Variants in CDH10 observed in about 807,000 individuals in gnomAD.
CDH10 encodes the protein cadherin 10, also known as cadherin-10.
CDH10 carries 30 observed loss-of-function variants against 73.1 expected under a neutral mutation model. The ratio of observed to expected loss-of-function variants is 0.41; its 90% CI spans 0.31 to 0.56. The LOEUF (loss-of-function observed/expected upper bound fraction) is 0.56. Among genes scored for constraint, CDH10 ranks in the 20% least tolerant of loss-of-function variants. The pLI is 0.27. For missense variants in CDH10, 815 were observed against 973.7 expected (o/e 0.84, Z 2.17); for synonymous variants, 345 against 348.2 (o/e 0.99, Z 0.10).
intron 2 of CDH10, among the ~76,000 whole-genome samples, chr5:24,575,375 GA>G (rs113497891): frequency 1.4e-5 from 2 of 139,692 alleles, no homozygotes; most frequent in East Asian, 2.1e-4. Flanking sequence ...AAAAAAAAAG[GA>G]AAAAAAAGAA....
chr5:24,592,076 T>A (rs1052893948), intron 2 of CDH10, among the ~76,000 whole-genome samples: 1 of 151,854 alleles, frequency 6.6e-6, no homozygotes, highest in East Asian at 1.9e-4. Context: ...ATTCCTTTGG[T>A]TGCTGTTTCT....
chr5:24,560,718 T>G (rs1405390307), intron 2 of CDH10, among the ~76,000 whole-genome samples: 2 of 152,134 alleles, frequency 1.3e-5, no homozygotes, highest in African/African-American at 4.8e-5. Context: ...ACTCCAGGGT[T>G]CTTTTCTCTA....
chr5:24,636,074 G>C (rs775994966), intron 1 of CDH10, among the ~76,000 whole-genome samples: 2 of 151,816 alleles, frequency 1.3e-5, no homozygotes, highest in Non-Finnish European at 2.9e-5. Flanking sequence ...TTAAGCATAG[G>C]TCACATGAAT....
At chr5:24,534,620 G>A (rs1743873712) in intron 5 of CDH10, among the ~76,000 whole-genome samples, 1 of 152,034 alleles carries the variant, frequency 6.6e-6, no homozygotes, top group South Asian at 2.1e-4. Context: ...AACATTAAAT[G>A]CAAGTCAGAT....
At chr5:24,603,294 T>C (rs1746633646) in intron 1 of CDH10, among the ~76,000 whole-genome samples, 2 of 152,140 alleles carry the variant, frequency 1.3e-5, no homozygotes, top group Non-Finnish European at 2.9e-5. Flanking sequence ...ATGTAGAATA[T>C]AAAGAATAAA....
intron 1 of CDH10, among the ~76,000 whole-genome samples, chr5:24,622,118 T>G (rs920572722): frequency 6.6e-6 from 1 of 152,064 alleles, no homozygotes; most frequent in African/African-American, 2.4e-5. Context: ...GAGATTGAGG[T>G]GCAGCAAGCA....
intron 1 of CDH10, among the ~76,000 whole-genome samples, chr5:24,623,229 G>T (rs191649063): frequency 6.6e-6 from 1 of 152,180 alleles, no homozygotes. Flanking sequence ...AGTCAGGCAC[G>T]CTCCTGGTGG....
chr5:24,537,299 A>T (rs2111890897), intron 3 of CDH10, 81 bp downstream of exon 3: 3 of 888,146 alleles, frequency 3.4e-6, no homozygotes, highest in Non-Finnish European at 5.2e-6. Context: ...GATTTCAATT[A>T]ATTGATTATA....
intron 2 of CDH10, among the ~76,000 whole-genome samples, chr5:24,579,165 A>G (rs1745702136): frequency 6.6e-6 from 1 of 151,900 alleles, no homozygotes; most frequent in Admixed American, 6.6e-5. Flanking sequence ...ATTAAAAGGC[A>G]ATTCCTTCTT....
chr5:24,493,010 G>A (rs1388967218), intron 9 of CDH10, 85 bp from the exon 10 acceptor site: 2 of 658,934 alleles, frequency 3.0e-6, no homozygotes, highest in Non-Finnish European at 5.5e-6. Context: ...TTTGTCTGAA[G>A]TTGTTCAAAA....
At chr5:24,607,334 A>G (rs1395397433) in intron 1 of CDH10, among the ~76,000 whole-genome samples, 1 of 152,186 alleles carries the variant, frequency 6.6e-6, no homozygotes, top group African/African-American at 2.4e-5. Context: ...AAAGGGATTT[A>G]GACTTACAAG....
At chr5:24,492,721 A>G in intron 10 of CDH10, 96 bp downstream of exon 10, 1 of 634,680 alleles carries the variant, frequency 1.6e-6, no homozygotes, top group Non-Finnish European at 2.9e-6. Context: ...AACTCAGATC[A>G]ATAAATTGAT....
In CDH10 at chr5:24,487,661, C is replaced by T. The variant is rs2111597744; in HGVS notation, c.*2G>A. The T allele has an allele frequency of 6.2e-7, 1 of 1,607,816 alleles. No individual in the cohort carries two copies. The highest frequency in any genetic ancestry group is 8.5e-7 in the Non-Finnish European group (1 of 1,176,572). ...TTGTTTGAACAGAACATATATCCTA[C>T]GTTAAGAGTCTTTGTCACTTTCCCC... On this transcript the variant is annotated 3_prime_UTR_variant, in exon 12 of 12. Transcript: ENST00000264463.
intron 2 of CDH10, among the ~76,000 whole-genome samples, chr5:24,584,972 T>C (rs980653236): frequency 1.3e-5 from 2 of 149,446 alleles, no homozygotes; most frequent in African/African-American, 4.9e-5. Flanking sequence ...TCACCCTTTC[T>C]GGTAGCTGGG....
At position 24,487,779 on chromosome 5, in the gene CDH10, A is replaced by G. The variant is rs2111601135; in HGVS notation, c.2251T>C (p.Leu751=). The G allele has an allele frequency of 6.2e-7, 1 of 1,613,854 alleles. No homozygotes were observed. Among genetic ancestry groups the G allele is most frequent in the African/African-American group, 1.3e-5 (1 of 74,976 alleles). The change falls in exon 12 of 12, where the codon TTA becomes CTA. Residue 751 remains leucine, a synonymous_variant. Transcript: ENST00000264463. ...NDSIAESLSS[L]ESGTTEGDQN... ...TCTCCTTCAGTAGTACCTGATTCTA[A>G]TGAACTCAGAGATTCAGCAATGGAA...
chr5:24,501,306 A>G (rs979320728), intron 8 of CDH10, among the ~76,000 whole-genome samples: 4 of 152,160 alleles, frequency 2.6e-5, no homozygotes, highest in African/African-American at 9.7e-5. Flanking sequence ...CAAATAATTC[A>G]AGGCTCTTAA....
chr5:24,535,608 A>G, intron 4 of CDH10, 95 bp downstream of exon 4: 1 of 1,081,144 alleles, frequency 9.2e-7, no homozygotes, highest in Non-Finnish European at 1.3e-6. Flanking sequence ...GTGAGTATTA[A>G]TGTTAAGGTT....
At chr5:24,488,548 A>G (rs934000758) in intron 11 of CDH10, among the ~76,000 whole-genome samples, 29 of 152,158 alleles carry the variant, frequency 1.9e-4, no homozygotes, top group African/African-American at 6.8e-4. Context: ...GCTTCAAGTA[A>G]GACAATTTAA....
Position 24,570,201 on chromosome 5 carries a change from C to G in CDH10, c.231+23059G>C, listed in dbSNP as rs1356350412. On this transcript the variant is annotated intron_variant, in intron 2 of 11. Coordinates refer to ENST00000264463, the MANE Select transcript of CDH10 (RefSeq NM_006727.5). ...CGATTTTAACACCAATAAAGTATTT[C>G]TATTCAACTTTGTTTTAACTGAAAC... is the stretch of plus-strand genomic sequence containing the variant. Among the ~76,000 whole-genome samples, 50 of 152,156 alleles carry G rather than the reference C, an allele frequency of 3.3e-4. 1 individual carries two copies. The highest frequency in any genetic ancestry group is 3.2e-3 in the Admixed American group (49 of 15,276).
Sources: gnomAD v4.1 joint callset for allele counts (sites outside exome capture counted in the v4.1 genomes callset) on GRCh38, gnomAD v4.1.1 for gene constraint, MANE v1.5 for transcripts, NCBI Gene and HGNC (gene_info 2026-07-23, HGNC 2026-07-21) for gene names.